RAB7A: variants seen among roughly 807,000 people sequenced by gnomAD.
RAB7A encodes ras-related protein Rab-7a.
In RAB7A, 2 loss-of-function variants were observed where a neutral mutation model predicts 24.5. The ratio of observed to expected loss-of-function variants is 0.08; its 90% CI spans 0.03 to 0.26. The LOEUF (loss-of-function observed/expected upper bound fraction) is 0.26, where lower values mean the gene tolerates loss of function less well. Among genes scored for constraint, RAB7A ranks in the 10% least tolerant of loss-of-function variants. The pLI is 1.00. For missense variants in RAB7A, 118 were observed against 255.7 expected, an observed-to-expected ratio of 0.46 and a Z score of 3.67; for synonymous variants, 100 against 95.9, an observed-to-expected ratio of 1.04 and a Z score of -0.25.
At chr3:128,812,363 C>T (rs1475442050) in intron 5 of RAB7A, among the ~76,000 whole-genome samples, 4 of 152,218 alleles carry the variant, frequency 2.6e-5, no homozygotes, top group Admixed American at 2.6e-4. Flanking sequence ...GGTCGACCTG[C>T]TTCAGCCTCC....
Position 128,798,015 on chromosome 3 carries a change from A to C in RAB7A, c.126A>C (p.Gly42=), listed in dbSNP as rs1933610797. Residue 42 remains glycine (G), a synonymous_variant, in exon 3 of 6, where the codon GGA becomes GGC. Coordinates refer to ENST00000265062, the MANE Select transcript of RAB7A (RefSeq NM_004637.6). The stretch of plus-strand genomic sequence containing the variant: ...GCAATCAGTACAAAGCCACAATAGG[A>C]GCTGACTTTCTGACCAAGGAGGTGA... The part of the protein sequence containing the change: ...KFSNQYKATI[G]ADFLTKEVMV... 1 of 1,613,956 alleles carries C rather than the reference A, an allele frequency of 6.2e-7. No individual in the cohort carries two copies. The highest frequency in any genetic ancestry group is 8.5e-7 in the Non-Finnish European group (1 of 1,179,830).
intron 1 of RAB7A, among the ~76,000 whole-genome samples, chr3:128,779,534 C>T (rs1933172307): frequency 7.1e-6 from 1 of 141,246 alleles, no homozygotes; most frequent in Admixed American, 7.9e-5. Flanking sequence ...CTGATGCATG[C>T]AGCAATGCTG....
chr3:128,806,809 C>CCATT (rs1470224855), intron 4 of RAB7A, among the ~76,000 whole-genome samples: 5 of 152,220 alleles, frequency 3.3e-5, no homozygotes, highest in African/African-American at 1.2e-4. Context: ...TGACTTTGGG[C>CCATT]CATTGTCTTG....
chr3:128,734,083 G>C (rs1420644350), intron 1 of RAB7A, among the ~76,000 whole-genome samples: 1 of 152,106 alleles, frequency 6.6e-6, no homozygotes, highest in Admixed American at 6.6e-5. Flanking sequence ...GGAGTAAAAC[G>C]TGTCAGTTTG....
intron 1 of RAB7A, among the ~76,000 whole-genome samples, chr3:128,731,588 C>T (rs2070437217): frequency 6.6e-6 from 1 of 152,216 alleles, no homozygotes. Context: ...GCTGTATGCT[C>T]AGGTGGCTCA....
intron 1 of RAB7A, among the ~76,000 whole-genome samples, chr3:128,744,973 A>G (rs2070596338): frequency 6.8e-6 from 1 of 148,082 alleles, no homozygotes; most frequent in South Asian, 2.1e-4. Flanking sequence ...TCCTGGGTTC[A>G]CACCATTCTC....
At chr3:128,805,380 A>T (rs924000173) in intron 3 of RAB7A, among the ~76,000 whole-genome samples, 2 of 151,940 alleles carry the variant, frequency 1.3e-5, no homozygotes, top group Non-Finnish European at 2.9e-5. Context: ...CTTATATCTG[A>T]GTTGTTATCA....
chr3:128,770,230 T>C (rs1311343036), intron 1 of RAB7A, among the ~76,000 whole-genome samples: 4 of 152,192 alleles, frequency 2.6e-5, no homozygotes, highest in African/African-American at 9.6e-5. Flanking sequence ...TTCGAACTCC[T>C]GACCTTGTGA....
chr3:128,807,811 A>G, intron 5 of RAB7A, 140 bp downstream of exon 5: 2 of 1,287,328 alleles, frequency 1.6e-6, no homozygotes, highest in Non-Finnish European at 2.2e-6. Context: ...TTCATCTGGG[A>G]AGGTTATGAC....
intron 1 of RAB7A, among the ~76,000 whole-genome samples, chr3:128,779,889 C>T (rs996400645): frequency 1.9e-4 from 29 of 152,174 alleles, no homozygotes; most frequent in African/African-American, 6.8e-4. Flanking sequence ...ATAGGGCCAC[C>T]TCATGAGGAG....
At chr3:128,752,160 A>T (rs1334922079) in intron 1 of RAB7A, among the ~76,000 whole-genome samples, 1 of 152,228 alleles carries the variant, frequency 6.6e-6, no homozygotes, top group East Asian at 1.9e-4. Flanking sequence ...TACAAATCCT[A>T]AGAATGCTAA....
At position 128,806,506 on chromosome 3, in the gene RAB7A, G is replaced by A. The variant is rs1336253285; in HGVS notation, c.315G>A (p.Glu105=). 1 of 1,613,858 alleles carries A rather than the reference G, an allele frequency of 6.2e-7. No homozygotes were observed. Among genetic ancestry groups the A allele is most frequent in the East Asian group, 2.2e-5 (1 of 44,874 alleles). Residue 105 remains glutamate (E), a synonymous_variant, in exon 4 of 6, where the codon GAG becomes GAA. Transcript: ENST00000265062. ...AAACCCTAGATAGCTGGAGAGATGA[G>A]TTTCTCATCCAGGCCAGTCCCCGAG... ...TFKTLDSWRD[E]FLIQASPRDP...
rs1933980571 is a variant in RAB7A, at chr3:128,813,753, G to C, written c.*331G>C. The C allele has an allele frequency of 2.6e-6, 1 of 385,854 alleles. No homozygotes were observed. The highest frequency in any genetic ancestry group is 5.0e-6 in the Non-Finnish European group (1 of 200,122). 23.9% of individuals were successfully genotyped at this position (385,854 alleles called of 1,614,324 possible). A position where few individuals can be genotyped will look rare whatever the true frequency, so the allele number is the denominator to read the frequency against. The stretch of plus-strand genomic sequence containing the variant: ...GTCATTCTGATATGGAGTTGGCATT[G>C]GAAGCTTATTCTTTTTGTTCACTGG... On this transcript the variant is annotated 3_prime_UTR_variant, in exon 6 of 6. Transcript: ENST00000265062.
intron 1 of RAB7A, among the ~76,000 whole-genome samples, chr3:128,776,977 CA>C (rs1559790040): frequency 8.6e-5 from 13 of 152,034 alleles, no homozygotes; most frequent in South Asian, 4.2e-4. Flanking sequence ...CACACACACA[CA>C]CACACACACC....
intron 1 of RAB7A, among the ~76,000 whole-genome samples, chr3:128,744,490 T>C (rs1424294809): frequency 6.6e-6 from 1 of 152,218 alleles, no homozygotes; most frequent in Non-Finnish European, 1.5e-5. Context: ...TATTATCGAC[T>C]ACATTCCACT....
chr3:128,774,090 A>G (rs1194281094), intron 1 of RAB7A, among the ~76,000 whole-genome samples: 4 of 151,026 alleles, frequency 2.6e-5, no homozygotes, highest in African/African-American at 9.7e-5. Flanking sequence ...AAAAAAAAAA[A>G]AAAAAGAAAA....
chr3:128,767,810 C>T (rs1404779599), intron 1 of RAB7A, among the ~76,000 whole-genome samples: 3 of 152,228 alleles, frequency 2.0e-5, no homozygotes, highest in African/African-American at 7.2e-5. Context: ...GCTGCTGCTT[C>T]CATGTCATCC....
At position 128,798,253 on chromosome 3, in the gene RAB7A, C is replaced by A. The variant is rs938224654; in HGVS notation, c.180+184C>A. Reference sequence around the variant, plus strand: ...TAGTGAATACTTTTTTAGTATACTTCTAGTGTATCTCAGATACGACTTGCT... The same window carrying A: ...TAGTGAATACTTTTTTAGTATACTTATAGTGTATCTCAGATACGACTTGCT... On this transcript the variant is annotated intron_variant, in intron 3 of 5. Coordinates refer to ENST00000265062, the MANE Select transcript of RAB7A (RefSeq NM_004637.6). 9.3e-6 allele frequency: 6 copies of A among 647,652 alleles called. No homozygotes were observed. In the South Asian group the frequency reaches 1.1e-4, roughly 12 times the overall value. 40.1% of individuals were successfully genotyped at this position (647,652 alleles called of 1,614,324 possible).
At chr3:128,767,359 A>G (rs1220136343) in intron 1 of RAB7A, among the ~76,000 whole-genome samples, 3 of 152,236 alleles carry the variant, frequency 2.0e-5, no homozygotes, top group Non-Finnish European at 4.4e-5. Context: ...CGGAAGGGAT[A>G]TGGAGCCAAG....
Sources: gnomAD v4.1 joint callset for allele counts (sites outside exome capture counted in the v4.1 genomes callset) on GRCh38, gnomAD v4.1.1 for gene constraint, MANE v1.5 for transcripts, NCBI Gene and HGNC (gene_info 2026-07-23, HGNC 2026-07-21) for gene names.